MYRIP: variants seen among roughly 807,000 people sequenced by gnomAD.
MYRIP encodes the protein rab effector MyRIP.
Under a neutral mutation model 98.0 loss-of-function variants are expected in MYRIP, and 49 were observed. That is an observed-to-expected ratio of 0.50 (90% CI 0.40 to 0.63). The LOEUF (loss-of-function observed/expected upper bound fraction) is 0.63. Among genes scored for constraint, MYRIP ranks in the 30% least tolerant of loss-of-function variants. The pLI is 0.00. For synonymous variants in MYRIP, 404 were observed against 409.5 expected (o/e 0.99, Z 0.16); for missense variants, 1,004 against 1,058.2 (o/e 0.95, Z 0.71).
At chr3:40,151,700 GT>G (rs1950125975) in intron 4 of MYRIP, among the ~76,000 whole-genome samples, 1 of 152,168 alleles carries the variant, frequency 6.6e-6, no homozygotes, top group African/African-American at 2.4e-5. Flanking sequence ...TTTTTATACA[GT>G]TAAGATAACC....
At chr3:40,000,745 C>T (rs1036674450) in intron 2 of MYRIP, among the ~76,000 whole-genome samples, 5 of 152,160 alleles carry the variant, frequency 3.3e-5, no homozygotes, top group Admixed American at 6.5e-5. Context: ...CCCTGTAACC[C>T]ATCCCCATTC....
At position 40,104,369 on chromosome 3, in the gene MYRIP, G is replaced by A. The variant is rs531724920; in HGVS notation, c.333-46679G>A. ...CCAAATAATATTCTCCATTTTCTCA[G>A]TGAGAAGATGAACAAAAGTAGAATT... On this transcript the variant is annotated intron_variant, in intron 3 of 16. Transcript: ENST00000302541. Among the ~76,000 whole-genome samples, 8 of 152,238 alleles carry A rather than the reference G, an allele frequency of 5.3e-5. No homozygotes were observed. The South Asian group carries it at 8.3e-4, about 16-fold the overall frequency.
intron 2 of MYRIP, among the ~76,000 whole-genome samples, chr3:40,019,714 T>TCC (rs78238096): frequency 1.8e-4 from 26 of 147,694 alleles, no homozygotes; most frequent in East Asian, 9.9e-4. Flanking sequence ...AACAATTCAA[T>TCC]CCCCCCCCCG....
chr3:39,994,925 C>T (rs1336413755), intron 2 of MYRIP, among the ~76,000 whole-genome samples: 1 of 152,228 alleles, frequency 6.6e-6, no homozygotes, highest in Non-Finnish European at 1.5e-5. Context: ...CCCAGGCAAA[C>T]AGGGTCTGGA....
chr3:39,844,560 G>T (rs957315218), intron 1 of MYRIP, among the ~76,000 whole-genome samples: 1 of 152,188 alleles, frequency 6.6e-6, no homozygotes, highest in Admixed American at 6.5e-5. Flanking sequence ...TTCTGGAACT[G>T]CTTGGGCCTG....
At chr3:39,831,781 A>G (rs553329684) in intron 1 of MYRIP, among the ~76,000 whole-genome samples, 14 of 152,352 alleles carry the variant, frequency 9.2e-5, no homozygotes, top group Admixed American at 6.5e-4. Flanking sequence ...TCAATTAAAA[A>G]TTCAGTTTAG....
chr3:40,038,055 G>A (rs188666498), intron 2 of MYRIP, among the ~76,000 whole-genome samples: 3 of 152,088 alleles, frequency 2.0e-5, no homozygotes, highest in Admixed American at 6.6e-5. Context: ...ACACAAATTG[G>A]CTAACTATGA....
chr3:40,252,606 A>G (rs1953411201), intron 16 of MYRIP, among the ~76,000 whole-genome samples: 3 of 152,212 alleles, frequency 2.0e-5, no homozygotes, highest in African/African-American at 7.2e-5. Flanking sequence ...AGAAATAACT[A>G]TACACAGAGA....
At chr3:40,207,928 G>C (rs543392290) in intron 10 of MYRIP, among the ~76,000 whole-genome samples, 6 of 152,264 alleles carry the variant, frequency 3.9e-5, no homozygotes, top group Admixed American at 2.6e-4. Flanking sequence ...GTCATCTAGT[G>C]ATTGTGAAAT....
chr3:39,886,585 A>G (rs1168316534), intron 1 of MYRIP, among the ~76,000 whole-genome samples: 1 of 151,956 alleles, frequency 6.6e-6, no homozygotes, highest in Non-Finnish European at 1.5e-5. Flanking sequence ...ATCAAAAGAG[A>G]CAAAAAAGGC....
rs775940065 is a variant in MYRIP, at chr3:40,233,930, G to T, written c.1977G>T (p.Leu659Phe). 4.6e-5 allele frequency: 74 copies of T among 1,613,744 alleles called. No homozygotes were observed. Among genetic ancestry groups the T allele is most frequent in the Non-Finnish European group, 5.7e-5 (67 of 1,179,938 alleles). Residue 659 changes from leucine (L) to phenylalanine (F), a missense_variant, in exon 12 of 17, where the codon TTG (leucine) becomes TTT (phenylalanine). By Grantham distance (22) the Leu-to-Phe change is conservative. Around this residue, in one of 3 missense-constraint regions of MYRIP, gnomAD observed 880 missense variants for 907.7 expected, o/e 0.97. Coordinates refer to ENST00000302541, the MANE Select transcript of MYRIP (RefSeq NM_015460.4). ...AAGTCATCAATGCCACAGAGGAGTT[G>T]ATAGCAGGATCTACAGGGCCCTGGG... ...VLKVINATEE[L>F]IAGSTGPWES...
chr3:40,186,442 G>A (rs1480243564), intron 9 of MYRIP, among the ~76,000 whole-genome samples: 1 of 152,200 alleles, frequency 6.6e-6, no homozygotes, highest in Admixed American at 6.5e-5. Context: ...TAAATGACTT[G>A]TTACTGAGCA....
At chr3:40,237,871 A>G (rs1031905331) in intron 12 of MYRIP, among the ~76,000 whole-genome samples, 2 of 152,264 alleles carry the variant, frequency 1.3e-5, no homozygotes, top group African/African-American at 4.8e-5. Flanking sequence ...TAGCACACTT[A>G]AAACAAAGAT....
At chr3:39,988,345 C>T (rs1224929344) in intron 2 of MYRIP, among the ~76,000 whole-genome samples, 1 of 152,092 alleles carries the variant, frequency 6.6e-6, no homozygotes, top group East Asian at 1.9e-4. Flanking sequence ...TATTGGCCCC[C>T]ACTCTCTTCT....
intron 1 of MYRIP, among the ~76,000 whole-genome samples, chr3:39,839,222 C>T (rs1941721109): frequency 6.6e-6 from 1 of 150,886 alleles, no homozygotes; most frequent in Admixed American, 6.6e-5. Context: ...TTATTGTCTT[C>T]TGCTAGCTTT....
chr3:39,997,832 C>T (rs971394516), intron 2 of MYRIP, among the ~76,000 whole-genome samples: 4 of 152,052 alleles, frequency 2.6e-5, no homozygotes, highest in African/African-American at 4.8e-5. Flanking sequence ...AAAGCTTATC[C>T]ACCGTGATCA....
chr3:39,858,738 A>T (rs1021633938), intron 1 of MYRIP, among the ~76,000 whole-genome samples: 1 of 152,164 alleles, frequency 6.6e-6, no homozygotes, highest in African/African-American at 2.4e-5. Flanking sequence ...AACAGGAGGA[A>T]AATTGGAAAA....
chr3:40,247,366 T>C (rs536520860), intron 13 of MYRIP, among the ~76,000 whole-genome samples: 1 of 152,342 alleles, frequency 6.6e-6, no homozygotes, highest in Admixed American at 6.5e-5. Flanking sequence ...TTGTCCTTAA[T>C]GGTTTACCAC....
At chr3:39,891,443 A>T (rs1943485260) in intron 1 of MYRIP, among the ~76,000 whole-genome samples, 1 of 152,132 alleles carries the variant, frequency 6.6e-6, no homozygotes, top group African/African-American at 2.4e-5. Context: ...TAGGTGTACC[A>T]CATTTAATGT....
Sources: gnomAD v4.1 joint callset for allele counts (sites outside exome capture counted in the v4.1 genomes callset) on GRCh38, gnomAD v4.1.1 for gene constraint, gnomAD v4.1.1 regional missense constraint, MANE v1.5 for transcripts, NCBI Gene and HGNC (gene_info 2026-07-23, HGNC 2026-07-21) for gene names.